Variants in ARG2 observed in about 807,000 individuals in gnomAD.
The protein encoded by ARG2 is arginase-2, mitochondrial.
A neutral mutation model predicts 39.4 loss-of-function variants in ARG2; 21 were observed. That is an observed-to-expected ratio of 0.53 (90% CI 0.38 to 0.77). The LOEUF is 0.77. ARG2 is among the 30% of genes least tolerant of loss of function. The pLI, the probability that ARG2 is intolerant of heterozygous loss-of-function variation, is 0.00. For missense variants in ARG2, 378 were observed against 426.2 expected (o/e 0.89, Z 1.00); for synonymous variants, 150 against 156.7 (o/e 0.96, Z 0.32).
intron 4 of ARG2, 138 bp from the exon 5 acceptor site, chr14:67,646,506 A>G (rs2037100051): frequency 1.6e-6 from 1 of 622,968 alleles, no homozygotes; most frequent in African/African-American, 1.9e-5. Context: ...TTCCCAGATC[A>G]AGTGTGTCCT....
At chr14:67,628,133 C>T (rs1045346911) in intron 2 of ARG2, among the ~76,000 whole-genome samples, 2 of 152,208 alleles carry the variant, frequency 1.3e-5, no homozygotes, top group African/African-American at 4.8e-5. Context: ...TTAGGGCCCT[C>T]TCCAATCTCA....
chr14:67,631,907 C>T (rs1328898386), intron 2 of ARG2, among the ~76,000 whole-genome samples: 1 of 152,126 alleles, frequency 6.6e-6, no homozygotes, highest in Non-Finnish European at 1.5e-5. Flanking sequence ...CAGGGTCTTG[C>T]TCTGTCACCC....
At chr14:67,645,509 C>A in intron 3 of ARG2, 134 bp from the exon 4 acceptor site, 4 of 962,088 alleles carry the variant, frequency 4.2e-6, no homozygotes, top group Non-Finnish European at 6.0e-6. Context: ...GGTCTTGCCT[C>A]ACCCAAACCC....
At chr14:67,624,962 G>C (rs1190356287) in intron 2 of ARG2, among the ~76,000 whole-genome samples, 2 of 152,158 alleles carry the variant, frequency 1.3e-5, no homozygotes, top group Non-Finnish European at 2.9e-5. Flanking sequence ...GTGAAACCAG[G>C]AGGCTGGCAG....
chr14:67,634,450 A>T (rs2140742522), intron 2 of ARG2, among the ~76,000 whole-genome samples: 1 of 150,608 alleles, frequency 6.6e-6, no homozygotes, highest in South Asian at 2.1e-4. Flanking sequence ...AAAAAAAAAA[A>T]TTTAGCTAGG....
chr14:67,624,585 T>A (rs1399334130), intron 2 of ARG2, among the ~76,000 whole-genome samples: 1 of 152,102 alleles, frequency 6.6e-6, no homozygotes, highest in Non-Finnish European at 1.5e-5. Flanking sequence ...TAACCGGATC[T>A]CATGAGAACT....
Position 67,645,799 on chromosome 14 carries a change from T to A in ARG2, c.519T>A (p.Asp173Glu), listed in dbSNP as rs770949105. Reference protein sequence around the residue: ...PVSFLLRELQDKVPQLPGFSW... With the variant: ...PVSFLLRELQEKVPQLPGFSW... Reference sequence around the variant, plus strand: ...CATTTCTCCTCAGAGAACTACAGGATAAGGTCAGTGGGCCAAAACGAAAAG... The same window carrying A: ...CATTTCTCCTCAGAGAACTACAGGAAAAGGTCAGTGGGCCAAAACGAAAAG... Residue 173 changes from aspartate (D) to glutamate (E), a missense_variant, in exon 4 of 8, where the codon GAT (aspartate) becomes GAA (glutamate). Transcript: ENST00000261783. 13 of 1,613,716 alleles carry A rather than the reference T, an allele frequency of 8.1e-6. No individual in the cohort carries two copies. Among genetic ancestry groups the A allele is most frequent in the Middle Eastern group, 1.6e-4 (1 of 6,080 alleles).
intron 2 of ARG2, among the ~76,000 whole-genome samples, chr14:67,627,940 A>G (rs557981597): frequency 6.6e-6 from 1 of 152,224 alleles, no homozygotes; most frequent in Non-Finnish European, 1.5e-5. Context: ...TTTGACTTCT[A>G]AAGTCACTCT....
At chr14:67,629,097 G>C (rs1424777797) in intron 2 of ARG2, among the ~76,000 whole-genome samples, 2 of 152,218 alleles carry the variant, frequency 1.3e-5, no homozygotes, top group Admixed American at 1.3e-4. Flanking sequence ...ACTTTGGGAG[G>C]CTGAAGCAGG....
At chr14:67,623,686 T>C (rs2036835462) in intron 2 of ARG2, among the ~76,000 whole-genome samples, 1 of 151,846 alleles carries the variant, frequency 6.6e-6, no homozygotes, top group Admixed American at 6.6e-5. Flanking sequence ...GGATTACAGG[T>C]GCCTGCCACT....
At chr14:67,647,334 C>T (rs564299047) in intron 6 of ARG2, 27 of 236,514 alleles carry the variant, frequency 1.1e-4, no homozygotes, top group African/African-American at 5.2e-4. Flanking sequence ...CCCAGCCTCA[C>T]GATTGTTTCA....
At chr14:67,626,679 C>T (rs1466036628) in intron 2 of ARG2, among the ~76,000 whole-genome samples, 3 of 152,276 alleles carry the variant, frequency 2.0e-5, no homozygotes, top group East Asian at 1.9e-4. Flanking sequence ...AGGTTGGTCT[C>T]GAACTCCTAG....
At chr14:67,640,504 T>C (rs2037018633) in intron 2 of ARG2, among the ~76,000 whole-genome samples, 1 of 152,230 alleles carries the variant, frequency 6.6e-6, no homozygotes, top group South Asian at 2.1e-4. Context: ...CTTCAGAATT[T>C]TGGCTTTGGA....
intron 2 of ARG2, among the ~76,000 whole-genome samples, chr14:67,623,739 A>G (rs891893497): frequency 1.3e-5 from 2 of 151,820 alleles, no homozygotes; most frequent in African/African-American, 4.8e-5. Flanking sequence ...ATGGGGTTTC[A>G]CCATGTTGGC....
chr14:67,629,243 G>C (rs2036895611), intron 2 of ARG2, among the ~76,000 whole-genome samples: 1 of 152,174 alleles, frequency 6.6e-6, no homozygotes, highest in South Asian at 2.1e-4. Flanking sequence ...GGCTGAGGCA[G>C]GAGTATTGCT....
intron 7 of ARG2, chr14:67,649,133 A>G (rs796970491): frequency 2.0e-4 from 30 of 152,290 alleles, no homozygotes; most frequent in African/African-American, 5.1e-4. Flanking sequence ...TTTGCTTCCT[A>G]AAAACACCAC....
At position 67,645,791 on chromosome 14, in the gene ARG2, C is replaced by T. The variant is rs1015118039; in HGVS notation, c.511C>T (p.Leu171=). Residue 171 remains leucine (L), a synonymous_variant, in exon 4 of 8, where the codon CTA becomes TTA. Coordinates refer to ENST00000261783, the MANE Select transcript of ARG2 (RefSeq NM_001172.4). Reference sequence around the variant, plus strand: ...GCCAGTTTCATTTCTCCTCAGAGAACTACAGGATAAGGTCAGTGGGCCAAA... The same window carrying T: ...GCCAGTTTCATTTCTCCTCAGAGAATTACAGGATAAGGTCAGTGGGCCAAA... ...GQPVSFLLRE[L]QDKVPQLPGF... 4.3e-6 allele frequency: 7 copies of T among 1,613,778 alleles called. No homozygotes were observed. Among genetic ancestry groups the T allele is most frequent in the Non-Finnish European group, 5.1e-6 (6 of 1,179,892 alleles).
intron 2 of ARG2, among the ~76,000 whole-genome samples, chr14:67,637,628 C>T (rs1489079393): frequency 2.0e-5 from 3 of 151,922 alleles, no homozygotes; most frequent in African/African-American, 7.2e-5. Context: ...TTGGTAGTAC[C>T]CAATACTATT....
chr14:67,642,679 C>G lies in ARG2; in HGVS notation c.362+316C>G, dbSNP rs2037047075. On this transcript the variant is annotated intron_variant, in intron 3 of 7. Coordinates refer to ENST00000261783, the MANE Select transcript of ARG2 (RefSeq NM_001172.4). ...CCTGGAAAGCTTTCTTGAGACTTATCTTATGACTTTGGAGAATTAGAAAGA... is the reference window on the plus strand; with the variant it reads ...CCTGGAAAGCTTTCTTGAGACTTATGTTATGACTTTGGAGAATTAGAAAGA... Among the ~76,000 whole-genome samples, 3 of 149,968 alleles carry G rather than the reference C, an allele frequency of 2.0e-5. No homozygotes were observed. In the Admixed American group the frequency reaches 2.0e-4, roughly 10 times the overall value.
Sources: gnomAD v4.1 joint callset for allele counts (sites outside exome capture counted in the v4.1 genomes callset) on GRCh38, gnomAD v4.1.1 for gene constraint, MANE v1.5 for transcripts, NCBI Gene and HGNC (gene_info 2026-07-23, HGNC 2026-07-21) for gene names.